Variants in SMARCA5 observed in about 807,000 individuals in gnomAD.
The protein encoded by SMARCA5 is SWI/SNF-related matrix-associated actin-dependent regulator of chromatin subfamily A member 5.
A neutral mutation model predicts 140.4 loss-of-function variants in SMARCA5; 18 were observed. The observed-to-expected ratio is 0.13, with a 90% confidence interval of 0.09 to 0.19. The LOEUF (loss-of-function observed/expected upper bound fraction) is 0.19, where lower values mean the gene tolerates loss of function less well. Ranked by LOEUF, SMARCA5 falls within the 10% of genes least tolerant of loss-of-function variation. The pLI is 1.00. For missense variants in SMARCA5, 606 were observed against 1,276.8 expected (o/e 0.47, Z 8.01); for synonymous variants, 449 against 419.6 (o/e 1.07, Z -0.86).
rs937377374 is a variant in SMARCA5, at chr4:143,553,408, T to C, written c.*224T>C. 2.7e-5 allele frequency: 11 copies of C among 414,554 alleles called. No individual in the cohort carries two copies. Among genetic ancestry groups the C allele is most frequent in the Non-Finnish European group, 4.3e-5 (10 of 230,882 alleles). 25.7% of individuals were successfully genotyped at this position (414,554 alleles called of 1,614,324 possible). A position where few individuals can be genotyped will look rare whatever the true frequency, so the allele number is the denominator to read the frequency against. ...ACTTGAAGTAATAAAATAGGCTTCATTTATTACTAAGTGTTTCATTTGATT... is the reference window on the plus strand; with the variant it reads ...ACTTGAAGTAATAAAATAGGCTTCACTTATTACTAAGTGTTTCATTTGATT... On this transcript the variant is annotated 3_prime_UTR_variant, in exon 24 of 24. Coordinates refer to ENST00000283131, the MANE Select transcript of SMARCA5 (RefSeq NM_003601.4).
rs1737700475 is a variant in SMARCA5, at chr4:143,554,001, A to G, written c.*817A>G. On this transcript the variant is annotated 3_prime_UTR_variant, in exon 24 of 24. Coordinates refer to ENST00000283131, the MANE Select transcript of SMARCA5 (RefSeq NM_003601.4). ...TTTTTTTTTTTAATTTTGAAAGCCC[A>G]GCCAAAATGAGGTGTGAATTTGTCA... The G allele has an allele frequency of 1.3e-5, 2 of 151,608 alleles. No individual in the cohort carries two copies. Among genetic ancestry groups the G allele is most frequent in the African/African-American group, 4.8e-5 (2 of 41,280 alleles). The allele number at this position is 151,608 out of a possible 1,614,324, so 9.4% of individuals were successfully genotyped here.
intron 9 of SMARCA5, among the ~76,000 whole-genome samples, chr4:143,530,810 T>C (rs1161559204): frequency 6.6e-6 from 1 of 152,140 alleles, no homozygotes; most frequent in East Asian, 1.9e-4. Context: ...ATAATTAATA[T>C]AGACAAGTTT....
chr4:143,534,379 C>T (rs539889974), intron 9 of SMARCA5, among the ~76,000 whole-genome samples: 2 of 152,190 alleles, frequency 1.3e-5, no homozygotes, highest in African/African-American at 4.8e-5. Context: ...ATAGGTTCCA[C>T]ATCCATAGAT....
intron 14 of SMARCA5, among the ~76,000 whole-genome samples, chr4:143,542,022 T>G (rs1737438323): frequency 1.3e-5 from 2 of 152,044 alleles, no homozygotes. Context: ...CACACCTGGC[T>G]AATTTTTTTG....
intron 3 of SMARCA5, among the ~76,000 whole-genome samples, chr4:143,521,893 C>CAAAAAAAAAAAAAAAAAAAAA (rs58679947): frequency 2.2e-5 from 1 of 44,806 alleles, no homozygotes; most frequent in Non-Finnish European, 4.3e-5. Context: ...CCCATCTCTA[C>CAAAAAAAAAAAAAAAAAAAAA]AAAAAAAAAA....
At chr4:143,536,720 T>A in intron 11 of SMARCA5, 42 bp downstream of exon 11, 3 of 1,394,716 alleles carry the variant, frequency 2.2e-6, no homozygotes, top group Non-Finnish European at 2.0e-6. Context: ...TGTTTTAAAA[T>A]GCTCATGTTA....
intron 3 of SMARCA5, among the ~76,000 whole-genome samples, chr4:143,523,597 A>G (rs1239212062): frequency 1.3e-5 from 2 of 152,206 alleles, no homozygotes; most frequent in Non-Finnish European, 2.9e-5. Flanking sequence ...GATTAGAAGC[A>G]TATATAACAA....
At position 143,538,082 on chromosome 4, in the gene SMARCA5, T is replaced by C. The variant is rs1737351826; in HGVS notation, c.1496-508T>C. ...CTACTGAAGGTATTATGTAGCTGCC[T>C]AAAGAAGTGGAAGGCAGTCGGATAG... On this transcript the variant is annotated intron_variant, in intron 11 of 23. Transcript: ENST00000283131. Among the ~76,000 whole-genome samples, 5 of 152,288 alleles carry C rather than the reference T, an allele frequency of 3.3e-5. No individual in the cohort carries two copies. The South Asian group carries it at 1.0e-3, about 32-fold the overall frequency.
chr4:143,518,791 C>T (rs1373640141), intron 2 of SMARCA5, among the ~76,000 whole-genome samples: 4 of 151,960 alleles, frequency 2.6e-5, no homozygotes, highest in African/African-American at 7.3e-5. Context: ...ATTTGCCGCT[C>T]TGTTTTTTTA....
chr4:143,520,496 A>C (rs1736934294), intron 2 of SMARCA5, among the ~76,000 whole-genome samples: 4 of 152,208 alleles, frequency 2.6e-5, no homozygotes, highest in Admixed American at 6.5e-5. Flanking sequence ...CAGTTTTTAC[A>C]TTGGTGTGAC....
chr4:143,529,802 T>C (rs922814563), intron 8 of SMARCA5, among the ~76,000 whole-genome samples: 1 of 152,188 alleles, frequency 6.6e-6, no homozygotes, highest in Non-Finnish European at 1.5e-5. Flanking sequence ...TAAAAAGATA[T>C]TTAATCAGAC....
intron 3 of SMARCA5, among the ~76,000 whole-genome samples, chr4:143,523,435 T>C (rs1424082573): frequency 1.3e-5 from 2 of 152,124 alleles, no homozygotes; most frequent in Non-Finnish European, 2.9e-5. Flanking sequence ...ATTTTGAGAG[T>C]AACTATAAAG....
chr4:143,549,791 A>G (rs1034297206), intron 22 of SMARCA5, among the ~76,000 whole-genome samples: 3 of 152,116 alleles, frequency 2.0e-5, no homozygotes, highest in African/African-American at 7.2e-5. Flanking sequence ...TTGGCTTTAA[A>G]GATTGGAGTA....
chr4:143,526,207 A>C, intron 5 of SMARCA5, 74 bp from the exon 6 acceptor site: 1 of 1,159,182 alleles, frequency 8.6e-7, no homozygotes, highest in South Asian at 1.3e-5. Flanking sequence ...GAACATTTCT[A>C]TATGTTGGGA....
At chr4:143,518,434 ACACAGTGTG>A (rs1560810503) in intron 2 of SMARCA5, among the ~76,000 whole-genome samples, 5 of 152,312 alleles carry the variant, frequency 3.3e-5, no homozygotes, top group African/African-American at 1.2e-4. Flanking sequence ...GAATACCACT[ACACAGTGTG>A]CTCCTGTAGG....
chr4:143,544,598 G>A (rs971441474), intron 16 of SMARCA5, 139 bp from the exon 17 acceptor site: 1 of 543,544 alleles, frequency 1.8e-6, no homozygotes, highest in East Asian at 3.1e-5. Flanking sequence ...ATTGAGCAAA[G>A]TATCATAGTC....
chr4:143,516,993 AGGG>A lies in SMARCA5; in HGVS notation c.178-360_178-358del, dbSNP rs559952722. 1.6e-4 allele frequency among the ~76,000 whole-genome samples: 25 copies of A among 152,318 alleles called. 1 individual carries two copies. In the South Asian group the frequency reaches 5.2e-3, roughly 32 times the overall value. On this transcript the variant is annotated intron_variant, in intron 1 of 23. Coordinates refer to ENST00000283131, the MANE Select transcript of SMARCA5 (RefSeq NM_003601.4). ...GTAGATACTGTAGTTTTATGACAAA[AGGG>A]GAACTTTTCCCCACATTTTATACTA...
At chr4:143,550,227 T>A in intron 23 of SMARCA5, 123 bp downstream of exon 23, 3 of 224,572 alleles carry the variant, frequency 1.3e-5, no homozygotes, top group African/African-American at 2.4e-5. Flanking sequence ...TGCCTTTACT[T>A]TTTTTTTTTT....
chr4:143,533,287 GA>G (rs1560816910), intron 9 of SMARCA5, among the ~76,000 whole-genome samples: 1 of 152,152 alleles, frequency 6.6e-6, no homozygotes, highest in Non-Finnish European at 1.5e-5. Flanking sequence ...GGAAGGAAAA[GA>G]GGGGATAGTG....
Sources: allele counts gnomAD v4.1 joint callset (sites outside exome capture counted in the v4.1 genomes callset), GRCh38; gene constraint gnomAD v4.1.1; transcripts MANE v1.5; gene names NCBI Gene and HGNC (gene_info 2026-07-23, HGNC 2026-07-21).